The following CCBE1 variants were observed in gnomAD, a reference collection of about 807,000 sequenced individuals.
CCBE1 encodes the protein collagen and calcium-binding EGF domain-containing protein 1.
A neutral mutation model predicts 50.0 loss-of-function variants in CCBE1; 37 were observed. That is an observed-to-expected ratio of 0.74 (90% CI 0.57 to 0.97). The LOEUF is 0.97. CCBE1 is among the 50% of genes least tolerant of loss of function. The probability of loss-of-function intolerance (pLI) is 0.00; values close to 1 mark genes in which losing one functional copy is unlikely to be tolerated. For synonymous variants in CCBE1, 234 were observed against 203.7 expected (o/e 1.15, Z -1.27); for missense variants, 538 against 523.8 (o/e 1.03, Z -0.26).
intron 2 of CCBE1, among the ~76,000 whole-genome samples, chr18:59,667,546 A>G (rs1249473183): frequency 1.3e-5 from 2 of 152,194 alleles, no homozygotes; most frequent in South Asian, 2.1e-4. Context: ...ATGTGAGGCT[A>G]AAGTCATGAG....
chr18:59,623,741 G>C (rs2053742337), intron 2 of CCBE1, among the ~76,000 whole-genome samples: 1 of 152,144 alleles, frequency 6.6e-6, no homozygotes, highest in African/African-American at 2.4e-5. Flanking sequence ...ACCATTAGGC[G>C]CATCTACCAG....
At chr18:59,691,985 G>T (rs992501170) in intron 2 of CCBE1, among the ~76,000 whole-genome samples, 2 of 152,192 alleles carry the variant, frequency 1.3e-5, no homozygotes, top group African/African-American at 4.8e-5. Context: ...TTATGGTCAT[G>T]AGTAGAGTAG....
chr18:59,495,620 T>C (rs1003032947), intron 2 of CCBE1, among the ~76,000 whole-genome samples: 1 of 152,106 alleles, frequency 6.6e-6, no homozygotes, highest in African/African-American at 2.4e-5. Flanking sequence ...TTTTTTTTTT[T>C]TTTTAAGAAA....
chr18:59,537,224 A>G (rs376302088), intron 2 of CCBE1, among the ~76,000 whole-genome samples: 28 of 152,256 alleles, frequency 1.8e-4, no homozygotes, highest in African/African-American at 6.3e-4. Flanking sequence ...TTTCAAACTC[A>G]GATTCTGGAG....
At chr18:59,587,885 G>C (rs2053201017) in intron 2 of CCBE1, among the ~76,000 whole-genome samples, 1 of 152,154 alleles carries the variant, frequency 6.6e-6, no homozygotes, top group African/African-American at 2.4e-5. Flanking sequence ...GGCAACAAAT[G>C]AATTTTTGAA....
intron 2 of CCBE1, among the ~76,000 whole-genome samples, chr18:59,662,276 C>T (rs2054296661): frequency 6.6e-6 from 1 of 152,184 alleles, no homozygotes; most frequent in African/African-American, 2.4e-5. Context: ...CATAGTGGGA[C>T]ACTCATTTTT....
chr18:59,581,511 C>G (rs909663244), intron 2 of CCBE1, among the ~76,000 whole-genome samples: 5 of 151,540 alleles, frequency 3.3e-5, no homozygotes, highest in African/African-American at 1.2e-4. Flanking sequence ...GGGTAACTAA[C>G]AGACCCTAGT....
In CCBE1 at chr18:59,676,294, C is replaced by T. The variant is rs575501044; in HGVS notation, c.212+20335G>A. 7.9e-5 allele frequency among the ~76,000 whole-genome samples: 12 copies of T among 152,310 alleles called. 1 individual carries two copies. The South Asian group carries it at 2.5e-3, about 32-fold the overall frequency. On this transcript the variant is annotated intron_variant, in intron 2 of 10. Coordinates refer to ENST00000439986, the MANE Select transcript of CCBE1 (RefSeq NM_133459.4). The stretch of plus-strand genomic sequence containing the variant: ...GTTCTCTTGGGCACTGTTGTTTTCG[C>T]CACATGGACTTGGATAACTTTCTCA...
At chr18:59,569,637 A>T (rs1251154959) in intron 2 of CCBE1, among the ~76,000 whole-genome samples, 2 of 72,036 alleles carry the variant, frequency 2.8e-5, no homozygotes, top group South Asian at 6.1e-4. Flanking sequence ...CGCCCTTTTA[A>T]AAAAAAAAAA....
At chr18:59,559,553 C>T (rs756276512) in intron 2 of CCBE1, among the ~76,000 whole-genome samples, 11 of 152,188 alleles carry the variant, frequency 7.2e-5, no homozygotes, top group African/African-American at 1.7e-4. Context: ...CCAAGCATTC[C>T]GGTTCAAAGA....
At chr18:59,445,151 T>C (rs906441889) in intron 7 of CCBE1, among the ~76,000 whole-genome samples, 3 of 152,350 alleles carry the variant, frequency 2.0e-5, no homozygotes, top group Non-Finnish European at 2.9e-5. Flanking sequence ...TGTTTTCTTC[T>C]AGGATTTTCA....
chr18:59,492,541 C>T (rs1033839066), intron 2 of CCBE1, among the ~76,000 whole-genome samples: 5 of 152,172 alleles, frequency 3.3e-5, no homozygotes, highest in African/African-American at 1.2e-4. Flanking sequence ...CCTCCTTCCC[C>T]TTCTCCTTCC....
At chr18:59,440,270 C>A (rs906636727) in intron 7 of CCBE1, among the ~76,000 whole-genome samples, 3 of 152,146 alleles carry the variant, frequency 2.0e-5, no homozygotes, top group African/African-American at 4.8e-5. Flanking sequence ...TTGAATCTGA[C>A]AAGTTGCCTG....
At chr18:59,529,272 G>A (rs527754950) in intron 2 of CCBE1, among the ~76,000 whole-genome samples, 1 of 152,330 alleles carries the variant, frequency 6.6e-6, no homozygotes, top group African/African-American at 2.4e-5. Context: ...GCTGTGCTGT[G>A]CTGTGGGGAA....
At chr18:59,693,123 ATTGT>A (rs1019031284) in intron 2 of CCBE1, among the ~76,000 whole-genome samples, 1 of 152,098 alleles carries the variant, frequency 6.6e-6, no homozygotes, top group African/African-American at 2.4e-5. Context: ...TTGACTGTAC[ATTGT>A]TCTTTTTTTT....
At chr18:59,637,963 G>A (rs1017787671) in intron 2 of CCBE1, among the ~76,000 whole-genome samples, 3 of 151,992 alleles carry the variant, frequency 2.0e-5, no homozygotes, top group Non-Finnish European at 4.4e-5. Flanking sequence ...TAGAAAAAGA[G>A]GAAATAATTT....
chr18:59,697,091 C>T lies in CCBE1; in HGVS notation c.131+121G>A, dbSNP rs1247305306. ...GACAGCTGAGCACTCTCCTTATCCCCGGAGAAGTGAGGGCGTGCGGATCGC... is the reference window on the plus strand; with the variant it reads ...GACAGCTGAGCACTCTCCTTATCCCTGGAGAAGTGAGGGCGTGCGGATCGC... On this transcript the variant is annotated intron_variant, in intron 1 of 10. Transcript: ENST00000439986. The T allele has an allele frequency of 1.1e-5, 15 of 1,353,674 alleles. No individual in the cohort carries two copies. In the Admixed American group the frequency reaches 2.8e-4, roughly 26 times the overall value. The allele number at this position is 1,353,674 out of a possible 1,614,324, so 83.9% of individuals were successfully genotyped here.
intron 2 of CCBE1, among the ~76,000 whole-genome samples, chr18:59,491,282 C>T (rs1038162516): frequency 2.0e-5 from 3 of 152,142 alleles, no homozygotes; most frequent in African/African-American, 7.2e-5. Context: ...GCCCTCTCAC[C>T]CTGTAAATTT....
chr18:59,604,260 A>G (rs2053468109), intron 2 of CCBE1, among the ~76,000 whole-genome samples: 1 of 152,204 alleles, frequency 6.6e-6, no homozygotes, highest in Non-Finnish European at 1.5e-5. Flanking sequence ...TAGGTTCAAG[A>G]CAAGACACAG....
Sources: gnomAD v4.1 joint callset for allele counts (sites outside exome capture counted in the v4.1 genomes callset) on GRCh38, gnomAD v4.1.1 for gene constraint, MANE v1.5 for transcripts, NCBI Gene and HGNC (gene_info 2026-07-23, HGNC 2026-07-21) for gene names.